Variants in DGCR2 observed in about 807,000 individuals in gnomAD.
The protein encoded by DGCR2 is DiGeorge syndrome critical region gene 2.
In DGCR2, 24 loss-of-function variants were observed where a neutral mutation model predicts 51.6. That is an observed-to-expected ratio of 0.47 (90% CI 0.34 to 0.65). DGCR2 has a LOEUF of 0.65. Ranked by LOEUF, DGCR2 falls within the 30% of genes least tolerant of loss-of-function variation. The pLI is 0.01. For synonymous variants in DGCR2, 340 were observed against 315.4 expected (o/e 1.08, Z -0.82); for missense variants, 765 against 772.1 (o/e 0.99, Z 0.11).
Position 19,068,131 on chromosome 22 carries a change from C to T in DGCR2, c.297G>A (p.Ala99=), listed in dbSNP as rs377734263. ...ARGGDPSHFH[A]VNVAQPVRFS... Reference sequence around the variant, plus strand: ...AGCGAACGGGCTGCGCCACGTTCACCGCGTGGAAGTGCGAAGGGTCGCCTC... The same window carrying T: ...AGCGAACGGGCTGCGCCACGTTCACTGCGTGGAAGTGCGAAGGGTCGCCTC... The change falls in exon 3 of 10, where the codon GCG becomes GCA. Residue 99 remains alanine (A), a synonymous_variant. Transcript: ENST00000263196. The T allele has an allele frequency of 7.5e-6, 12 of 1,606,714 alleles. No homozygotes were observed. The highest frequency in any genetic ancestry group is 5.1e-5 in the Admixed American group (3 of 58,874).
At chr22:19,082,831 G>A (rs115471693) in intron 2 of DGCR2, among the ~76,000 whole-genome samples, 2,279 of 152,134 alleles carry the variant, frequency 0.015, 55 homozygotes, top group African/African-American at 0.051. Flanking sequence ...TCATGCCCCC[G>A]TAATCCAGGC....
rs558428440 is a variant in DGCR2, at chr22:19,040,007, T to A, written c.1397-886A>T. Among the ~76,000 whole-genome samples the A allele has an allele frequency of 2.6e-5, 4 of 152,270 alleles. No homozygotes were observed. The East Asian group carries it at 7.7e-4, about 29-fold the overall frequency. On this transcript the variant is annotated intron_variant, in intron 9 of 9. Transcript: ENST00000263196. ...GATTACAGGTGTGAGCCACTGCGCC[T>A]GGGCTGCCTGCTTGTCATTACCATA...
intron 2 of DGCR2, among the ~76,000 whole-genome samples, chr22:19,089,040 G>A (rs2083048730): frequency 6.6e-6 from 1 of 152,154 alleles, no homozygotes; most frequent in African/African-American, 2.4e-5. Flanking sequence ...GATAAGGTCA[G>A]AGAGGTGGCC....
intron 1 of DGCR2, among the ~76,000 whole-genome samples, chr22:19,099,744 G>A (rs56262811): frequency 0.094 from 14,228 of 151,530 alleles, 731 homozygotes; most frequent in Middle Eastern, 0.15. Flanking sequence ...GCCAAGGCAC[G>A]TGGATCACAA....
intron 7 of DGCR2, chr22:19,046,873 A>T (rs1382957123): frequency 3.7e-6 from 1 of 271,850 alleles, no homozygotes; most frequent in African/African-American, 2.2e-5. Context: ...CATGCCCACA[A>T]ATGGGTCATC....
intron 2 of DGCR2, among the ~76,000 whole-genome samples, chr22:19,078,057 G>T (rs1000836383): frequency 2.6e-5 from 4 of 152,158 alleles, no homozygotes; most frequent in African/African-American, 9.7e-5. Context: ...CTGAACTCCT[G>T]ACCTCAAGTG....
intron 2 of DGCR2, among the ~76,000 whole-genome samples, chr22:19,080,222 C>T (rs1244989936): frequency 6.6e-6 from 1 of 152,206 alleles, no homozygotes; most frequent in Non-Finnish European, 1.5e-5. Context: ...CTATTTTCAA[C>T]CTCCACGACT....
Position 19,057,175 on chromosome 22 carries a change from CA to C in DGCR2, c.626-14del. ...ACCTCTGAAGAGCCTGTTGGGGAGA[CA>C]AAAGGTGGGGCTGGACAACATCACA... On this transcript the variant is annotated splice_polypyrimidine_tract_variant and intron_variant, in intron 5 of 9. Coordinates refer to ENST00000263196, the MANE Select transcript of DGCR2 (RefSeq NM_005137.3). This position sits in a 1 kb window ranked among gnomAD's most constrained non-coding sequence, Gnocchi z 5.1. The C allele has an allele frequency of 1.3e-6, 2 of 1,590,970 alleles. No homozygotes were observed. Among genetic ancestry groups the C allele is most frequent in the South Asian group, 1.1e-5 (1 of 87,144 alleles).
rs987097540 is a variant in DGCR2, at chr22:19,038,684, G to A, written c.*181C>T. ...AAGCCCTCAAGGAAGCTCGGTGCAG[G>A]CCATCACTTCTTTTGGCAGAAGGCG... On this transcript the variant is annotated 3_prime_UTR_variant, in exon 10 of 10. Coordinates refer to ENST00000263196, the MANE Select transcript of DGCR2 (RefSeq NM_005137.3). The A allele has an allele frequency of 4.4e-5, 33 of 749,560 alleles. No individual in the cohort carries two copies. The Admixed American group carries it at 1.0e-3, about 23-fold the overall frequency. The allele number at this position is 749,560 out of a possible 1,614,324, so 46.4% of individuals were successfully genotyped here. A position where few individuals can be genotyped will look rare whatever the true frequency, so the allele number is the denominator to read the frequency against.
chr22:19,121,313 T>A (rs916781333), intron 1 of DGCR2, among the ~76,000 whole-genome samples: 1 of 152,042 alleles, frequency 6.6e-6, no homozygotes, highest in Admixed American at 6.6e-5. Context: ...TAAAAAAAAA[T>A]AAAATAACAT....
At chr22:19,085,193 T>C (rs888834512) in intron 2 of DGCR2, among the ~76,000 whole-genome samples, 20 of 147,918 alleles carry the variant, frequency 1.4e-4, no homozygotes, top group Non-Finnish European at 2.5e-4. Flanking sequence ...ATACAGAAAA[T>C]AGGTGCTTTC....
intron 4 of DGCR2, among the ~76,000 whole-genome samples, chr22:19,063,905 T>C (rs1355162655): frequency 6.6e-6 from 1 of 152,204 alleles, no homozygotes; most frequent in Non-Finnish European, 1.5e-5. Context: ...TTTCATGGCA[T>C]GTGAACTGCA....
intron 1 of DGCR2, among the ~76,000 whole-genome samples, chr22:19,120,978 C>T (rs1449686274): frequency 2.0e-5 from 3 of 152,230 alleles, no homozygotes; most frequent in Admixed American, 2.0e-4. Context: ...CCAGGTTGAG[C>T]ACCGGTCAGG....
Position 19,041,837 on chromosome 22 carries a change from C to A in DGCR2, c.1129G>T (p.Glu377Ter), listed in dbSNP as rs1268668982. The A allele has an allele frequency of 1.2e-6, 2 of 1,612,810 alleles. No homozygotes were observed. Among genetic ancestry groups the A allele is most frequent in the Non-Finnish European group, 8.5e-7 (1 of 1,179,886 alleles). ...GCTCCAATCAGGGACTCGATGCGCT[C>A]CCGGCGCCGCTGGCGCAGCCGGTGG... is the stretch of plus-strand genomic sequence containing the variant. ...MVHRLRQRRRERIESLIGANL... is the reference protein window; with the variant it reads ...MVHRLRQRRR Residue 377 changes from glutamate to a stop codon, truncating the protein, a stop_gained, in exon 8 of 10, where the codon GAG (glutamate) becomes TAG (stop). Transcript: ENST00000263196. LOFTEE classifies it high-confidence loss of function.
At chr22:19,118,374 CAAAAAAAAAAA>C (rs923572855) in intron 1 of DGCR2, among the ~76,000 whole-genome samples, 21 of 56,766 alleles carry the variant, frequency 3.7e-4, no homozygotes, top group South Asian at 7.1e-4. Flanking sequence ...CCATCGCAAA[CAAAAAAAAAAA>C]AAAAAAAAAA....
At chr22:19,098,940 C>G (rs554847144) in intron 1 of DGCR2, among the ~76,000 whole-genome samples, 85 of 152,162 alleles carry the variant, frequency 5.6e-4, no homozygotes, top group Non-Finnish European at 1.1e-3. Context: ...TCACCAACAC[C>G]CCACACATGG....
At chr22:19,063,068 C>T in intron 5 of DGCR2, 134 bp downstream of exon 5, 1 of 764,664 alleles carries the variant, frequency 1.3e-6, no homozygotes, top group Non-Finnish European at 2.1e-6. Context: ...GCCCTCCCTG[C>T]AACTGGGGCT....
At chr22:19,115,467 C>T (rs1837861940) in intron 1 of DGCR2, among the ~76,000 whole-genome samples, 1 of 152,260 alleles carries the variant, frequency 6.6e-6, no homozygotes, top group African/African-American at 2.4e-5. Flanking sequence ...TCCCCTACCC[C>T]CGGATCCCAT....
intron 3 of DGCR2, 114 bp downstream of exon 3, chr22:19,067,986 C>T: frequency 7.3e-7 from 1 of 1,368,594 alleles, no homozygotes; most frequent in South Asian, 1.7e-5. Flanking sequence ...CCCTCACTGG[C>T]CTCCAAGGGC....
Sources: allele counts gnomAD v4.1 joint callset (sites outside exome capture counted in the v4.1 genomes callset), GRCh38; gene constraint gnomAD v4.1.1; non-coding constraint Gnocchi (gnomAD v3.1); transcripts MANE v1.5; gene names NCBI Gene and HGNC (gene_info 2026-07-23, HGNC 2026-07-21).